The following VPS41 variants were observed in gnomAD, a reference collection of about 807,000 sequenced individuals.
The protein encoded by VPS41 is vacuolar protein sorting-associated protein 41 homolog.
Under a neutral mutation model 130.9 loss-of-function variants are expected in VPS41, and 85 were observed. The ratio of observed to expected loss-of-function variants is 0.65; its 90% CI spans 0.55 to 0.78. The LOEUF is 0.78. Ranked by LOEUF, VPS41 falls within the 30% of genes least tolerant of loss-of-function variation. VPS41 has a pLI of 0.00. For synonymous variants in VPS41, 335 were observed against 332.9 expected (o/e 1.01, Z -0.07); for missense variants, 874 against 1,018.7 (o/e 0.86, Z 1.93).
Position 38,765,621 on chromosome 7 carries a change from C to T in VPS41, c.1288G>A (p.Glu430Lys), listed in dbSNP as rs1784024411. 2 of 1,603,526 alleles carry T rather than the reference C, an allele frequency of 1.2e-6. No individual in the cohort carries two copies. Among genetic ancestry groups the T allele is most frequent in the Non-Finnish European group, 1.7e-6 (2 of 1,177,412 alleles). ...TCTTTAAATTTATAAACTTCATATT[C>T]CCAGAGTGCTGCATTTTTCCCAAGA... is the stretch of plus-strand genomic sequence containing the variant. ...KILGKNAALWEYEVYKFKEIG... is the reference protein window; with the variant it reads ...KILGKNAALWKYEVYKFKEIG... The change falls in exon 16 of 29, where the codon GAA becomes AAA. Residue 430 changes from glutamate (E) to lysine (K), a missense_variant. Coordinates refer to ENST00000310301, the MANE Select transcript of VPS41 (RefSeq NM_014396.4).
Position 38,728,552 on chromosome 7 carries a change from A to G in VPS41, c.2394T>C (p.Ile798=). 6.2e-7 allele frequency: 1 copy of G among 1,614,174 alleles called. No individual in the cohort carries two copies. Among genetic ancestry groups the G allele is most frequent in the Non-Finnish European group, 8.5e-7 (1 of 1,180,004 alleles). The change falls in exon 27 of 29, where the codon ATT becomes ATC. Residue 798 remains isoleucine (I), a synonymous_variant. Coordinates refer to ENST00000310301, the MANE Select transcript of VPS41 (RefSeq NM_014396.4). ...ENICESCLSP[I]LPSDAAKPFS... is the part of the protein sequence containing the mutation. ...GGAAAACCTTCTTACCTGATGGAAG[A>G]ATAGGGGAAAGGCACGACTCACAGA...
At position 38,796,757 on chromosome 7, in the gene VPS41, C is replaced by T. The variant is rs777844698; in HGVS notation, c.558G>A (p.Trp186Ter). The T allele has an allele frequency of 1.2e-6, 2 of 1,613,724 alleles. No homozygotes were observed. The highest frequency in any genetic ancestry group is 2.2e-5 in the East Asian group (1 of 44,852). ...GCATATTTTTTACCATATTATTGGCCCAAGCAATCAGATGGCCTCTCCACT... is the reference window on the plus strand; with the variant it reads ...GCATATTTTTTACCATATTATTGGCTCAAGCAATCAGATGGCCTCTCCACT... Reference protein sequence around the residue: ...SVKWRGHLIAWANNMGVKIFD... With the variant: ...SVKWRGHLIA Residue 186 changes from tryptophan to a stop codon, truncating the protein, a stop_gained, in exon 8 of 29, where the codon TGG (tryptophan) becomes TGA (stop). Coordinates refer to ENST00000310301, the MANE Select transcript of VPS41 (RefSeq NM_014396.4). LOFTEE classifies it high-confidence loss of function.
chr7:38,885,670 T>C (rs1358207983), intron 2 of VPS41, among the ~76,000 whole-genome samples: 3 of 152,194 alleles, frequency 2.0e-5, no homozygotes, highest in African/African-American at 4.8e-5. Context: ...ATAGGAAATA[T>C]TGAAGCAATT....
chr7:38,726,343 A>G lies in VPS41; in HGVS notation c.2485-17T>C. The stretch of plus-strand genomic sequence containing the variant: ...AGCAGAGTTCTAAAAATGCAATTTA[A>G]AAACACATATTTAAAAAATGATCTT... On this transcript the variant is annotated splice_polypyrimidine_tract_variant and intron_variant, in intron 28 of 28. Coordinates refer to ENST00000310301, the MANE Select transcript of VPS41 (RefSeq NM_014396.4). 1.9e-6 allele frequency: 3 copies of G among 1,590,086 alleles called. No homozygotes were observed. The highest frequency in any genetic ancestry group is 2.6e-6 in the Non-Finnish European group (3 of 1,159,428).
chr7:38,820,602 G>T (rs1369388071), intron 6 of VPS41, among the ~76,000 whole-genome samples: 1 of 152,036 alleles, frequency 6.6e-6, no homozygotes, highest in Non-Finnish European at 1.5e-5. Context: ...CTACCAAATG[G>T]AGTCCAAATT....
intron 3 of VPS41, among the ~76,000 whole-genome samples, chr7:38,867,346 G>A (rs776615982): frequency 6.6e-6 from 1 of 152,068 alleles, no homozygotes; most frequent in Non-Finnish European, 1.5e-5. Flanking sequence ...AGAAGTTAGA[G>A]ACCAGCCTGG....
At position 38,758,339 on chromosome 7, in the gene VPS41, C is replaced by T. The variant is rs199920812; in HGVS notation, c.1550+15G>A. ...ACAGACTGATATGGAAAAAGAAACACTTAAGTATACTCACAATTCTGCCAG... is the reference window on the plus strand; with the variant it reads ...ACAGACTGATATGGAAAAAGAAACATTTAAGTATACTCACAATTCTGCCAG... On this transcript the variant is annotated intron_variant, in intron 18 of 28. Coordinates refer to ENST00000310301, the MANE Select transcript of VPS41 (RefSeq NM_014396.4). 16 of 1,596,706 alleles carry T rather than the reference C, an allele frequency of 1.0e-5. No individual in the cohort carries two copies. The highest frequency in any genetic ancestry group is 2.3e-5 in the South Asian group (2 of 86,750).
intron 4 of VPS41, among the ~76,000 whole-genome samples, chr7:38,846,185 T>C (rs1785719608): frequency 6.6e-6 from 1 of 152,196 alleles, no homozygotes; most frequent in Non-Finnish European, 1.5e-5. Context: ...GTGTAGAGTC[T>C]GTGACCCCAG....
chr7:38,798,465 G>A (rs1784662731), intron 7 of VPS41, among the ~76,000 whole-genome samples: 1 of 151,954 alleles, frequency 6.6e-6, no homozygotes, highest in African/African-American at 2.4e-5. Flanking sequence ...GCTAATTTTT[G>A]TACTTTTAGT....
chr7:38,888,166 T>A (rs1465455033), intron 2 of VPS41, among the ~76,000 whole-genome samples: 1 of 152,118 alleles, frequency 6.6e-6, no homozygotes, highest in Non-Finnish European at 1.5e-5. Context: ...CAGGATCAAA[T>A]TCACACATAA....
At chr7:38,745,246 G>A (rs182979776) in intron 23 of VPS41, among the ~76,000 whole-genome samples, 25 of 152,272 alleles carry the variant, frequency 1.6e-4, no homozygotes, top group Non-Finnish European at 3.4e-4. Flanking sequence ...GGTAATATAA[G>A]CTGATTATAA....
At chr7:38,834,898 C>A (rs1007514440) in intron 4 of VPS41, among the ~76,000 whole-genome samples, 11 of 151,252 alleles carry the variant, frequency 7.3e-5, no homozygotes, top group African/African-American at 2.7e-4. Context: ...ATGAAAATAT[C>A]TTTTATTTTA....
intron 3 of VPS41, 122 bp downstream of exon 3, chr7:38,869,024 G>C: frequency 1.5e-6 from 1 of 687,888 alleles, no homozygotes. Context: ...GAGGAAGAGA[G>C]CAGTGGCAAG....
intron 25 of VPS41, 69 bp from the exon 26 acceptor site, chr7:38,728,860 T>A: frequency 1.5e-6 from 2 of 1,366,790 alleles, no homozygotes; most frequent in Non-Finnish European, 2.1e-6. Flanking sequence ...AGGGACACTG[T>A]ACTGGGGATT....
At chr7:38,897,524 A>G (rs572982207) in intron 2 of VPS41, among the ~76,000 whole-genome samples, 376 of 152,142 alleles carry the variant, frequency 2.5e-3, no homozygotes, top group Non-Finnish European at 3.8e-3. Flanking sequence ...GGGCGCCTGT[A>G]GTCCCAGTTA....
rs1207851501 is a variant in VPS41, at chr7:38,771,179, TAACA to T, written c.1185+15_1185+18del. ...TTGAAAGATAAAATTATGTTTCAAA[TAACA>T]AATTGCACACTTACCAGAATCTTAT... On this transcript the variant is annotated intron_variant, in intron 14 of 28. Coordinates refer to ENST00000310301, the MANE Select transcript of VPS41 (RefSeq NM_014396.4). 2 of 1,549,846 alleles carry T rather than the reference TAACA, an allele frequency of 1.3e-6. No individual in the cohort carries two copies. Among genetic ancestry groups the T allele is most frequent in the Admixed American group, 3.4e-5 (2 of 58,464 alleles).
At chr7:38,766,551 AC>A (rs1203934733) in intron 15 of VPS41, among the ~76,000 whole-genome samples, 1 of 152,170 alleles carries the variant, frequency 6.6e-6, no homozygotes, top group East Asian at 1.9e-4. Flanking sequence ...AGGTAAAATG[AC>A]GCCTTTAGGA....
intron 23 of VPS41, among the ~76,000 whole-genome samples, chr7:38,744,450 T>A (rs1795946642): frequency 6.6e-6 from 1 of 152,194 alleles, no homozygotes; most frequent in South Asian, 2.1e-4. Flanking sequence ...CCACAGCATT[T>A]TGTGTTTCTT....
At chr7:38,875,996 A>G (rs1786483567) in intron 2 of VPS41, among the ~76,000 whole-genome samples, 2 of 152,344 alleles carry the variant, frequency 1.3e-5, no homozygotes, top group South Asian at 4.1e-4. Flanking sequence ...AGCATAAAAT[A>G]CATACGGTTA....
Sources: gnomAD v4.1 joint callset for allele counts (sites outside exome capture counted in the v4.1 genomes callset) on GRCh38, gnomAD v4.1.1 for gene constraint, MANE v1.5 for transcripts, NCBI Gene and HGNC (gene_info 2026-07-23, HGNC 2026-07-21) for gene names.